Variants in ANXA8 observed in about 807,000 individuals in gnomAD.
ANXA8 encodes the protein VAC-beta.
A neutral mutation model predicts 26.8 loss-of-function variants in ANXA8; 9 were observed. That is an observed-to-expected ratio of 0.34 (90% confidence interval 0.20 to 0.59). The LOEUF (loss-of-function observed/expected upper bound fraction) is 0.59, where lower values mean the gene tolerates loss of function less well. ANXA8 is among the 20% of genes least tolerant of loss of function. The pLI is 0.84. For missense variants in ANXA8, 83 were observed against 238.5 expected (o/e 0.35, Z 4.29); for synonymous variants, 39 against 94.8 (o/e 0.41, Z 3.42).
At chr10:47,526,104 C>CT in the ANXA8 span, among the ~76,000 whole-genome samples, 1 of 132,438 alleles carries the variant, frequency 7.6e-6, no homozygotes, top group Non-Finnish European at 1.6e-5. Flanking sequence ...ATTTTTTTTA[C>CT]TTTTTATTTT....
At chr10:47,969,122 GGTGGAGAGGAA>G in the ANXA8 span, among the ~76,000 whole-genome samples, 2 of 150,810 alleles carry the variant, frequency 1.3e-5, no homozygotes, top group Non-Finnish European at 1.5e-5. Context: ...GGTCAGTGGA[GGTGGAGAGGAA>G]GTTGTGAGAG....
the ANXA8 span, among the ~76,000 whole-genome samples, chr10:47,667,760 TA>T: frequency 4.0e-5 from 6 of 151,274 alleles, no homozygotes; most frequent in Admixed American, 3.9e-4. Flanking sequence ...TTTTTTGAGA[TA>T]GAGTATCACT....
the ANXA8 span, among the ~76,000 whole-genome samples, chr10:47,548,835 T>A: frequency 6.6e-6 from 1 of 152,054 alleles, no homozygotes; most frequent in Non-Finnish European, 1.5e-5. Flanking sequence ...CACAAGTTAC[T>A]TAACTGCTGG....
chr10:47,951,518 A>AAT, the ANXA8 span, among the ~76,000 whole-genome samples: 1 of 150,554 alleles, frequency 6.6e-6, no homozygotes, highest in Non-Finnish European at 1.5e-5. Context: ...GTCCACAAGG[A>AAT]ATATACATGC....
the ANXA8 span, among the ~76,000 whole-genome samples, chr10:47,971,133 G>T: frequency 2.0e-5 from 3 of 151,264 alleles, no homozygotes; most frequent in African/African-American, 4.8e-5. Flanking sequence ...ACAGGGCTCT[G>T]GTTTGTTGGT....
chr10:47,660,351 C>G, the ANXA8 span, among the ~76,000 whole-genome samples: 1 of 150,464 alleles, frequency 6.6e-6, no homozygotes, highest in African/African-American at 2.5e-5. Context: ...TGAATTTGGC[C>G]TTGCCTGTAA....
chr10:47,653,108 T>C, the ANXA8 span, among the ~76,000 whole-genome samples: 1 of 150,658 alleles, frequency 6.6e-6, no homozygotes, highest in Non-Finnish European at 1.5e-5. Flanking sequence ...GGTTAGGAGT[T>C]CGAGACCAGC....
At chr10:47,481,816 G>A (rs1839822868) in intron 1 of ANXA8, among the ~76,000 whole-genome samples, 2 of 146,252 alleles carry the variant, frequency 1.4e-5, no homozygotes, top group Admixed American at 1.4e-4. Flanking sequence ...TGCTGAGAAG[G>A]AAGGGTCAGC....
At chr10:47,468,979 T>C (rs1185639280) in intron 11 of ANXA8, 73 bp from the exon 12 acceptor site, 2 of 1,564,892 alleles carry the variant, frequency 1.3e-6, no homozygotes, top group African/African-American at 2.7e-5. Context: ...GCTGTGTTAT[T>C]ATGACTAAGA....
the ANXA8 span, among the ~76,000 whole-genome samples, chr10:47,672,747 T>G: frequency 7.9e-5 from 12 of 151,912 alleles, no homozygotes; most frequent in Admixed American, 7.9e-4. Flanking sequence ...AGATGACTTT[T>G]GAGCAGAGAC....
At chr10:47,605,210 C>CA in the ANXA8 span, among the ~76,000 whole-genome samples, 1 of 122,090 alleles carries the variant, frequency 8.2e-6, no homozygotes, top group Non-Finnish European at 1.7e-5. Flanking sequence ...CTGAGAATTC[C>CA]AAAAAATGAA....
the ANXA8 span, among the ~76,000 whole-genome samples, chr10:47,768,757 G>A: frequency 2.0e-5 from 3 of 151,712 alleles, no homozygotes; most frequent in Admixed American, 6.6e-5. Flanking sequence ...GAGGCAGACG[G>A]ACTGCTGGTG....
At chr10:47,677,257 A>G in the ANXA8 span, among the ~76,000 whole-genome samples, 7 of 151,992 alleles carry the variant, frequency 4.6e-5, no homozygotes, top group African/African-American at 1.7e-4. Flanking sequence ...GTGAAAGGAG[A>G]CTGTAGTAAC....
At chr10:47,778,730 T>C in the ANXA8 span, among the ~76,000 whole-genome samples, 1 of 152,008 alleles carries the variant, frequency 6.6e-6, no homozygotes, top group Non-Finnish European at 1.5e-5. Context: ...TCATATTTTT[T>C]ATGAATAAAT....
the ANXA8 span, among the ~76,000 whole-genome samples, chr10:47,740,338 T>A: frequency 6.7e-6 from 1 of 148,150 alleles, no homozygotes; most frequent in African/African-American, 2.5e-5. Context: ...GTCAATCAGA[T>A]CCTTTTTCTT....
At chr10:47,651,683 T>C in the ANXA8 span, among the ~76,000 whole-genome samples, 6 of 150,484 alleles carry the variant, frequency 4.0e-5, no homozygotes, top group African/African-American at 7.4e-5. Flanking sequence ...TCACCTGAGG[T>C]TGGAAGTTTA....
At chr10:47,671,447 C>CAAAAG in the ANXA8 span, among the ~76,000 whole-genome samples, 2 of 151,904 alleles carry the variant, frequency 1.3e-5, no homozygotes, top group African/African-American at 4.9e-5. Context: ...CAAAACAAAA[C>CAAAAG]AAAACAAAAC....
the ANXA8 span, among the ~76,000 whole-genome samples, chr10:47,562,231 T>TA: frequency 1.3e-5 from 2 of 151,022 alleles, no homozygotes; most frequent in East Asian, 1.9e-4. Context: ...CAGAAACATA[T>TA]AAAAAAGCTA....
intron 1 of ANXA8, among the ~76,000 whole-genome samples, chr10:47,481,591 G>C (rs1388898607): frequency 7.2e-5 from 11 of 151,846 alleles, no homozygotes; most frequent in African/African-American, 1.7e-4. Context: ...CCAGCGAGTG[G>C]CCAGGCTGTG....
Sources: gnomAD v4.1 joint callset for allele counts (sites outside exome capture counted in the v4.1 genomes callset) on GRCh38, gnomAD v4.1.1 for gene constraint, MANE v1.5 for transcripts, NCBI Gene and HGNC (gene_info 2026-07-23, HGNC 2026-07-21) for gene names.